The following ZFYVE16 variants were observed in gnomAD, a reference collection of about 807,000 sequenced individuals.
The protein encoded by ZFYVE16 is zinc finger FYVE domain-containing protein 16.
A neutral mutation model predicts 138.1 loss-of-function variants in ZFYVE16; 89 were observed. That is an observed-to-expected ratio of 0.64 (90% confidence interval 0.54 to 0.77). ZFYVE16 has a LOEUF of 0.77. Ranked by LOEUF, ZFYVE16 falls within the 30% of genes least tolerant of loss-of-function variation. The pLI is 0.00. For missense variants in ZFYVE16, 1,793 were observed against 1,786.7 expected (o/e 1.00, Z -0.06); for synonymous variants, 596 against 618.3 (o/e 0.96, Z 0.53).
At chr5:80,451,351 A>C (rs1751970761) in intron 10 of ZFYVE16, 134 bp from the exon 11 acceptor site, 1 of 642,530 alleles carries the variant, frequency 1.6e-6, no homozygotes, top group East Asian at 2.8e-5. Context: ...ATAGTGTCTT[A>C]ACTTCAGACA....
chr5:80,423,900 GT>G (rs1228002930), intron 1 of ZFYVE16, among the ~76,000 whole-genome samples: 1 of 151,222 alleles, frequency 6.6e-6, no homozygotes, highest in Non-Finnish European at 1.5e-5. Context: ...TGTTTTTCTA[GT>G]TTCCCAAGGT....
intron 12 of ZFYVE16, 170 bp downstream of exon 12, chr5:80,455,944 G>T: frequency 3.3e-6 from 2 of 600,880 alleles, no homozygotes; most frequent in South Asian, 4.5e-5. Flanking sequence ...AGTTTTTGAC[G>T]AATTGCTTTT....
In ZFYVE16 at chr5:80,482,437, C is replaced by G. The variant is rs757834212; in HGVS notation, c.*5060C>G. The G allele has an allele frequency of 2.0e-5, 3 of 151,942 alleles. No individual in the cohort carries two copies. The highest frequency in any genetic ancestry group is 2.9e-5 in the Non-Finnish European group (2 of 67,988). 9.4% of individuals were successfully genotyped at this position (151,942 alleles called of 1,614,324 possible). A position where few individuals can be genotyped will look rare whatever the true frequency, so the allele number is the denominator to read the frequency against. ...GATCTGTGGGACAATATGAAACAGT[C>G]TAATATTCATGTCTTAGGAGCCCAG... On this transcript the variant is annotated 3_prime_UTR_variant, in exon 19 of 19. Transcript: ENST00000505560.
rs1348993761 is a variant in ZFYVE16, at chr5:80,480,654, G to C, written c.*3277G>C. ...TAGACACATAATAAGGCCAGGTGCA[G>C]TGGCTCACACCTGTAATCGAGCACT... On this transcript the variant is annotated 3_prime_UTR_variant, in exon 19 of 19. Transcript: ENST00000505560. Among the ~76,000 whole-genome samples, 48 of 152,168 alleles carry C rather than the reference G, an allele frequency of 3.2e-4. 2 individuals carry two copies. The highest frequency in any genetic ancestry group is 2.9e-3 in the Admixed American group (45 of 15,272).
chr5:80,430,746 A>C lies in ZFYVE16; in HGVS notation c.-40+3201A>C, dbSNP rs565614245. ...AATCAAATAGACGCAATAAAAAATG[A>C]TAAAGGGGATAACACCACCGATCCC... is the stretch of plus-strand genomic sequence containing the variant. On this transcript the variant is annotated intron_variant, in intron 2 of 18. Transcript: ENST00000505560. Among the ~76,000 whole-genome samples, 7 of 152,352 alleles carry C rather than the reference A, an allele frequency of 4.6e-5. No individual in the cohort carries two copies. The South Asian group carries it at 8.3e-4, about 18-fold the overall frequency.
At chr5:80,443,896 T>G (rs1751006931) in intron 6 of ZFYVE16, 2 of 455,330 alleles carry the variant, frequency 4.4e-6, no homozygotes, top group Non-Finnish European at 8.8e-6. Flanking sequence ...CTGTAGAGGG[T>G]GAGCTTGGGT....
At chr5:80,435,425 T>C (rs925906391) in intron 3 of ZFYVE16, among the ~76,000 whole-genome samples, 5 of 152,230 alleles carry the variant, frequency 3.3e-5, no homozygotes, top group Non-Finnish European at 5.9e-5. Context: ...TGTCTCAGCC[T>C]CCCAAAGTGC....
At chr5:80,434,790 G>C (rs772070645) in intron 3 of ZFYVE16, among the ~76,000 whole-genome samples, 4 of 152,256 alleles carry the variant, frequency 2.6e-5, no homozygotes, top group Non-Finnish European at 5.9e-5. Context: ...CAACATATGA[G>C]CAAGCTAAAA....
chr5:80,466,277 C>A (rs1028238652), intron 15 of ZFYVE16, among the ~76,000 whole-genome samples: 1 of 152,112 alleles, frequency 6.6e-6, no homozygotes, highest in Non-Finnish European at 1.5e-5. Context: ...AGGGTCTGTT[C>A]ATTTTTCTTC....
In ZFYVE16 at chr5:80,457,039, A is replaced by G. The variant is rs1752596568; in HGVS notation, c.3890A>G (p.Asn1297Ser). The part of the protein sequence containing the change: ...EADSHLVCIQ[N>S]DGIYETQANS... ...GATTCTCATCTAGTCTGTATACAGA[A>G]TGATGGAATTTATGAAACACAGGCC... Residue 1297 changes from asparagine to serine, a missense_variant, in exon 14 of 19, where the codon AAT becomes AGT. By Grantham distance (46) the Asn-to-Ser change is conservative. This residue lies in a region of ZFYVE16 where 498 missense variants were observed against 582.4 expected (regional missense o/e 0.86). Coordinates refer to ENST00000505560, the MANE Select transcript of ZFYVE16 (RefSeq NM_001284236.3). 1 of 1,613,034 alleles carries G rather than the reference A, an allele frequency of 6.2e-7. No individual in the cohort carries two copies. The highest frequency in any genetic ancestry group is 8.5e-7 in the Non-Finnish European group (1 of 1,179,656).
intron 1 of ZFYVE16, among the ~76,000 whole-genome samples, chr5:80,426,272 G>GTGTATATATATA (rs1370196862): frequency 2.3e-4 from 6 of 26,458 alleles, no homozygotes; most frequent in African/African-American, 3.5e-4. Flanking sequence ...GTGTGTGTGT[G>GTGTATATATATA]TATATATATA....
At chr5:80,432,009 C>A (rs1749108027) in intron 2 of ZFYVE16, among the ~76,000 whole-genome samples, 1 of 152,122 alleles carries the variant, frequency 6.6e-6, no homozygotes, top group African/African-American at 2.4e-5. Flanking sequence ...GCCATACTGC[C>A]CAAGGTAATT....
intron 1 of ZFYVE16, among the ~76,000 whole-genome samples, chr5:80,411,068 A>G (rs1166928884): frequency 6.6e-6 from 1 of 151,102 alleles, no homozygotes; most frequent in Admixed American, 6.6e-5. Context: ...CTGGGGTTCA[A>G]GCGATTCTCC....
rs13157990 is a variant in ZFYVE16, at chr5:80,438,981, C to T, written c.2296C>T (p.Arg766Ter). The change falls in exon 4 of 19, where the codon CGA (arginine) becomes TGA (stop). Residue 766 changes from arginine to a stop codon, truncating the protein, a stop_gained. Transcript: ENST00000505560. LOFTEE classifies it high-confidence loss of function. Reference protein sequence around the residue: ...CQVKFTFTKRRHHCRACGKVF... With the variant: ...CQVKFTFTKR ...AGTCAAATTTACTTTTACCAAACGG[C>T]GACACCATTGCCGAGCATGTGGGAA... 8.7e-6 allele frequency: 14 copies of T among 1,611,934 alleles called. No individual in the cohort carries two copies. The highest frequency in any genetic ancestry group is 3.3e-5 in the Admixed American group (2 of 59,740).
rs1293693521 is a variant in ZFYVE16, at chr5:80,438,237, A to G, written c.1552A>G (p.Ile518Val). 3 of 1,613,930 alleles carry G rather than the reference A, an allele frequency of 1.9e-6. No individual in the cohort carries two copies. In the Admixed American group the frequency reaches 5.0e-5, roughly 27 times the overall value. Residue 518 changes from isoleucine (I) to valine (V), a missense_variant, in exon 4 of 19, where the codon ATT becomes GTT. By Grantham distance (29) the Ile-to-Val change is conservative. This residue lies in a region of ZFYVE16 where 1,295 missense variants were observed against 1,204.3 expected (regional missense o/e 1.08). Transcript: ENST00000505560. ...TGGGCAAGACTTAGATTACTTTAATATTGATGAAGGCGCAAAAAGTGGCCC... is the reference window on the plus strand; with the variant it reads ...TGGGCAAGACTTAGATTACTTTAATGTTGATGAAGGCGCAAAAAGTGGCCC... ...MDGQDLDYFN[I>V]DEGAKSGPLI...
At chr5:80,442,948 A>C in intron 5 of ZFYVE16, 175 bp from the exon 6 acceptor site, 2 of 564,490 alleles carry the variant, frequency 3.5e-6, no homozygotes, top group Non-Finnish European at 5.9e-6. Context: ...TGCCAACTAA[A>C]GAGCCTGTGC....
chr5:80,475,906 A>G (rs1449639315), intron 18 of ZFYVE16, among the ~76,000 whole-genome samples: 1 of 152,150 alleles, frequency 6.6e-6, no homozygotes, highest in African/African-American at 2.4e-5. Flanking sequence ...GGTTATGTCA[A>G]TTTATATTTA....
intron 6 of ZFYVE16, among the ~76,000 whole-genome samples, chr5:80,444,545 GA>G (rs1751087226): frequency 6.6e-6 from 1 of 150,578 alleles, no homozygotes; most frequent in African/African-American, 2.4e-5. Context: ...TGTTTATGCT[GA>G]TATCTAGTTA....
At chr5:80,477,121 C>A in intron 18 of ZFYVE16, 98 bp from the exon 19 acceptor site, 2 of 1,014,406 alleles carry the variant, frequency 2.0e-6, no homozygotes, top group Non-Finnish European at 1.4e-6. Context: ...ATTTAACATG[C>A]TTGAACTGTA....
Sources: allele counts gnomAD v4.1 joint callset (sites outside exome capture counted in the v4.1 genomes callset), GRCh38; gene constraint gnomAD v4.1.1; regional missense constraint gnomAD v4.1.1; transcripts MANE v1.5; gene names NCBI Gene and HGNC (gene_info 2026-07-23, HGNC 2026-07-21).